Variants in SLC29A1 observed in about 807,000 individuals in gnomAD.
The protein encoded by SLC29A1 is equilibrative nucleoside transporter 1.
Under a neutral mutation model 48.3 loss-of-function variants are expected in SLC29A1, and 22 were observed. The observed-to-expected ratio is 0.46, with a 90% CI of 0.33 to 0.65. The LOEUF (loss-of-function observed/expected upper bound fraction) is 0.65, where lower values mean the gene tolerates loss of function less well. SLC29A1 is among the 30% of genes least tolerant of loss of function. SLC29A1 has a pLI of 0.03. For missense variants in SLC29A1, 491 were observed against 575.3 expected, an observed-to-expected ratio of 0.85 and a Z score of 1.50; for synonymous variants, 228 against 231.0, an observed-to-expected ratio of 0.99 and a Z score of 0.12.
chr6:44,220,376 GTCTCCCT>G (rs1561871151), upstream of SLC29A1, among the ~76,000 whole-genome samples: 1 of 144,450 alleles, frequency 6.9e-6, no homozygotes, highest in Non-Finnish European at 1.5e-5. Context: ...AAGAGACAGA[GTCTCCCT>G]GTGTTGACCA....
At chr6:44,230,098 C>G (rs757916283) in intron 5 of SLC29A1, 52 bp downstream of exon 5, 12 of 1,596,194 alleles carry the variant, frequency 7.5e-6, no homozygotes, top group South Asian at 1.1e-5. Flanking sequence ...CAACTACCCC[C>G]ACTCTTTTTT....
Position 44,232,691 on chromosome 6 carries a change from G to A in SLC29A1, c.1060-116G>A. Reference sequence around the variant, plus strand: ...CCCCTTTCAAGAGTAACCCCCTAAGGAGAACCAGGCTTTGAGGTTTCAGTT... The same window carrying A: ...CCCCTTTCAAGAGTAACCCCCTAAGAAGAACCAGGCTTTGAGGTTTCAGTT... On this transcript the variant is annotated intron_variant, in intron 11 of 12. Transcript: ENST00000371755. This position sits in a 1 kb window ranked among gnomAD's most constrained non-coding sequence, Gnocchi z 4.7. The A allele has an allele frequency of 1.1e-6, 1 of 947,342 alleles. No homozygotes were observed. Among genetic ancestry groups the A allele is most frequent in the South Asian group, 1.4e-5 (1 of 70,724 alleles). The allele number at this position is 947,342 out of a possible 1,614,324, so 58.7% of individuals were successfully genotyped here.
chr6:44,230,924 G>A lies in SLC29A1; in HGVS notation c.766+35G>A, dbSNP rs373461511. The A allele has an allele frequency of 1.0e-4, 156 of 1,509,702 alleles. 1 individual carries two copies. The African/African-American group carries it at 1.6e-3, about 16-fold the overall frequency. 93.5% of individuals were successfully genotyped at this position (1,509,702 alleles called of 1,614,324 possible). A position where few individuals can be genotyped will look rare whatever the true frequency, so the allele number is the denominator to read the frequency against. On this transcript the variant is annotated intron_variant, in intron 8 of 12. Coordinates refer to ENST00000371755, the MANE Select transcript of SLC29A1 (RefSeq NM_001372327.1). Reference sequence around the variant, plus strand: ...GCCTGAGGAAGCTGGGGTGGAGGATGGTATACCAGGCGGGGGATAGCATGA... The same window carrying A: ...GCCTGAGGAAGCTGGGGTGGAGGATAGTATACCAGGCGGGGGATAGCATGA...
intron 1 of SLC29A1, 76 bp from the exon 2 acceptor site, chr6:44,227,187 C>T (rs976603684): frequency 2.0e-6 from 3 of 1,472,132 alleles, no homozygotes; most frequent in African/African-American, 1.4e-5. Context: ...CAGCCCTGCC[C>T]CCTCTCCCCC....
At position 44,230,058 on chromosome 6, in the gene SLC29A1, C is replaced by T; in HGVS notation, c.454+12C>T. On this transcript the variant is annotated intron_variant, in intron 5 of 12. Coordinates refer to ENST00000371755, the MANE Select transcript of SLC29A1 (RefSeq NM_001372327.1). The stretch of plus-strand genomic sequence containing the variant: ...CGTGCTCATTAATTGTAAGCTGGGC[C>T]AGGAGGGGGCCTATGGGAGGAGGCA... 2 of 1,603,718 alleles carry T rather than the reference C, an allele frequency of 1.2e-6. No homozygotes were observed. Among genetic ancestry groups the T allele is most frequent in the Non-Finnish European group, 1.7e-6 (2 of 1,179,944 alleles).
chr6:44,221,722 C>G, upstream of SLC29A1: 1 of 1,124,212 alleles, frequency 8.9e-7, no homozygotes, highest in Non-Finnish European at 1.2e-6. This position sits in a 1 kb window ranked among gnomAD's most constrained non-coding sequence, Gnocchi z 4.2. Flanking sequence ...GCAGGGGGCC[C>G]TGGCACCCAG....
In SLC29A1 at chr6:44,229,350, A is replaced by G; in HGVS notation, c.30-40A>G. The G allele has an allele frequency of 5.4e-6, 8 of 1,486,034 alleles. No homozygotes were observed. Among genetic ancestry groups the G allele is most frequent in the Non-Finnish European group, 7.5e-6 (8 of 1,062,906 alleles). The allele number at this position is 1,486,034 out of a possible 1,614,324, so 92.1% of individuals were successfully genotyped here. On this transcript the variant is annotated intron_variant, in intron 2 of 12. Transcript: ENST00000371755. The surrounding 1 kb of genome is among the most constrained non-coding windows in gnomAD (Gnocchi z 5.1). ...GGGGCTCATTGTGGAGTGGGGCAGG[A>G]TGGTGCGTCATTTGGCCCATCTTTC...
At chr6:44,231,522 C>A in intron 9 of SLC29A1, 61 bp downstream of exon 9, 2 of 1,092,340 alleles carry the variant, frequency 1.8e-6, no homozygotes, top group Non-Finnish European at 1.4e-6. Flanking sequence ...TCCTTTTGCT[C>A]CCTCCCCCTG....
chr6:44,222,910 C>T (rs1422865952), upstream of SLC29A1, among the ~76,000 whole-genome samples: 2 of 152,238 alleles, frequency 1.3e-5, no homozygotes, highest in Non-Finnish European at 2.9e-5. Flanking sequence ...CTTTGCCCCA[C>T]CCCCCTCCGC....
intron 12 of SLC29A1, 151 bp downstream of exon 12, chr6:44,233,157 A>T (rs1779268223): frequency 1.1e-6 from 1 of 882,630 alleles, no homozygotes; most frequent in Admixed American, 2.1e-5. Context: ...CTGAGGGGAT[A>T]GTGACTGTAG....
At chr6:44,230,750 A>C in intron 7 of SLC29A1, 61 bp from the exon 8 acceptor site, 3 of 1,581,412 alleles carry the variant, frequency 1.9e-6, no homozygotes, top group Non-Finnish European at 2.6e-6. Context: ...AACCTGAAGG[A>C]GGCCGGGATT....
chr6:44,223,582 A>G (rs1471497617), upstream of SLC29A1: 17 of 1,209,792 alleles, frequency 1.4e-5, no homozygotes, highest in Admixed American at 5.0e-4. The surrounding 1 kb of genome is among the most constrained non-coding windows in gnomAD (Gnocchi z 5.0). Context: ...CCCCGGCGGG[A>G]GAGGGAAGCT....
chr6:44,227,349 G>T lies in SLC29A1; in HGVS notation c.29+7G>T. The T allele has an allele frequency of 6.2e-7, 1 of 1,612,792 alleles. No homozygotes were observed. Among genetic ancestry groups the T allele is most frequent in the Non-Finnish European group, 8.5e-7 (1 of 1,178,812 alleles). On this transcript the variant is annotated splice_region_variant and intron_variant, in intron 2 of 12. Transcript: ENST00000371755. ...GTCACCAGCCTCAGGACAGGTAAGG[G>T]GTAAGGGGCTGGGCTGTGGATCCAG...
At chr6:44,224,597 A>G (rs1438436103) in intron 1 of SLC29A1, among the ~76,000 whole-genome samples, 1 of 151,860 alleles carries the variant, frequency 6.6e-6, no homozygotes, top group East Asian at 1.9e-4. Context: ...AAGTGACTCA[A>G]CCCCTCTGAA....
Position 44,232,554 on chromosome 6 carries a change from G to T in SLC29A1, c.1059+126G>T. 1 of 689,816 alleles carries T rather than the reference G, an allele frequency of 1.4e-6. No individual in the cohort carries two copies. 42.7% of individuals were successfully genotyped at this position (689,816 alleles called of 1,614,324 possible). On this transcript the variant is annotated intron_variant, in intron 11 of 12. Transcript: ENST00000371755. This position sits in a 1 kb window ranked among gnomAD's most constrained non-coding sequence, Gnocchi z 4.7. Reference sequence around the variant, plus strand: ...GTTTTAAAGTCGAGGCATAATTTATGTATAGTTAAGTACAAGTCTTAAGTG... The same window carrying T: ...GTTTTAAAGTCGAGGCATAATTTATTTATAGTTAAGTACAAGTCTTAAGTG...
chr6:44,220,344 A>ATTT (rs3997542), upstream of SLC29A1, among the ~76,000 whole-genome samples: 125 of 126,480 alleles, frequency 9.9e-4, no homozygotes, highest in Admixed American at 2.0e-3. Context: ...TGCTCAGCTA[A>ATTT]TTTTTTTTTT....
chr6:44,232,122 G>C lies in SLC29A1; in HGVS notation c.973+16G>C. On this transcript the variant is annotated intron_variant, in intron 10 of 12. Coordinates refer to ENST00000371755, the MANE Select transcript of SLC29A1 (RefSeq NM_001372327.1). The surrounding 1 kb of genome is among the most constrained non-coding windows in gnomAD (Gnocchi z 4.7). Reference sequence around the variant, plus strand: ...AGCACCTGGGGTGAGGATGCCACAGGTTTCCAGGATGGGAACAGACAGGAT... The same window carrying C: ...AGCACCTGGGGTGAGGATGCCACAGCTTTCCAGGATGGGAACAGACAGGAT... The C allele has an allele frequency of 6.3e-7, 1 of 1,587,448 alleles. No homozygotes were observed. Among genetic ancestry groups the C allele is most frequent in the Non-Finnish European group, 8.7e-7 (1 of 1,155,726 alleles).
chr6:44,230,454 TC>T lies in SLC29A1; in HGVS notation c.564del (p.Val189TrpfsTer3). On this transcript the variant is annotated frameshift_variant, in exon 6 of 13. Transcript: ENST00000371755. LOFTEE classifies it high-confidence loss of function. ...CCAGGGCCTAGCAGGCTTCTTTGCC[TC>T]CGTGGCCATGATCTGCGCTATTGCC... is the stretch of plus-strand genomic sequence containing the variant. ...SGQGLAGFFA[S>X]VAMICAIASG... is the part of the protein sequence containing the mutation. 6.2e-7 allele frequency: 1 copy of T among 1,613,938 alleles called. No homozygotes were observed. Among genetic ancestry groups the T allele is most frequent in the Non-Finnish European group, 8.5e-7 (1 of 1,179,992 alleles).
intron 1 of SLC29A1, among the ~76,000 whole-genome samples, chr6:44,225,108 A>T (rs1203317115): frequency 6.6e-6 from 1 of 152,158 alleles, no homozygotes; most frequent in Non-Finnish European, 1.5e-5. Context: ...CTTTGAAGCT[A>T]CACCTGCTCT....
Sources: gnomAD v4.1 joint callset for allele counts (sites outside exome capture counted in the v4.1 genomes callset) on GRCh38, gnomAD v4.1.1 for gene constraint, Gnocchi (gnomAD v3.1) non-coding constraint, MANE v1.5 for transcripts, NCBI Gene and HGNC (gene_info 2026-07-23, HGNC 2026-07-21) for gene names.